ANXA4: variants seen among roughly 807,000 people sequenced by gnomAD.
ANXA4 encodes the protein annexin A4.
Under a neutral mutation model 49.8 loss-of-function variants are expected in ANXA4, and 39 were observed. The observed-to-expected ratio is 0.78, with a 90% CI of 0.61 to 1.02. The LOEUF is 1.02. Among genes scored for constraint, ANXA4 ranks in the 50% least tolerant of loss-of-function variants. ANXA4 has a pLI of 0.00. For missense variants in ANXA4, 360 were observed against 410.1 expected, an observed-to-expected ratio of 0.88 and a Z score of 1.05; for synonymous variants, 134 against 152.5, an observed-to-expected ratio of 0.88 and a Z score of 0.89.
At chr2:69,743,151 G>A (rs1007984341) in intron 1 of ANXA4, among the ~76,000 whole-genome samples, 1 of 152,078 alleles carries the variant, frequency 6.6e-6, no homozygotes, top group Non-Finnish European at 1.5e-5. Context: ...GACTACAGGT[G>A]CATGCCACCA....
rs952088418 is a variant in ANXA4 at position 69,804,468 on chromosome 2, G to A, written c.98-65G>A. Reference sequence around the variant, plus strand: ...TGTTTGGGTAACTCCAATGTCCACAGAGGAACCTGCTTTCTCATTCCTCTC... The same window carrying A: ...TGTTTGGGTAACTCCAATGTCCACAAAGGAACCTGCTTTCTCATTCCTCTC... On this transcript the variant is annotated intron_variant, in intron 3 of 12. Coordinates refer to ENST00000394295, the MANE Select transcript of ANXA4 (RefSeq NM_001153.5). 4 of 1,455,180 alleles carry A rather than the reference G, an allele frequency of 2.7e-6. No individual in the cohort carries two copies. In the African/African-American group the frequency reaches 5.6e-5, roughly 20 times the overall value. 90.1% of individuals were successfully genotyped at this position (1,455,180 alleles called of 1,614,324 possible). A position where few individuals can be genotyped will look rare whatever the true frequency, so the allele number is the denominator to read the frequency against.
At chr2:69,783,904 A>T (rs1013673392) in intron 2 of ANXA4, among the ~76,000 whole-genome samples, 2 of 152,156 alleles carry the variant, frequency 1.3e-5, no homozygotes, top group Admixed American at 6.5e-5. Flanking sequence ...TGGGCATTAT[A>T]TTCTTTTGCA....
chr2:69,648,117 T>C (rs1676080429), intron 1 of ANXA4, among the ~76,000 whole-genome samples: 1 of 152,198 alleles, frequency 6.6e-6, no homozygotes, highest in African/African-American at 2.4e-5. Context: ...TTAATTAAAA[T>C]CCTTAACTGA....
chr2:69,663,293 CTTTTTTTTTTTTTTTTTTT>C lies in ANXA4; in HGVS notation n.766+10027_766+10045del, dbSNP rs55970370. Among the ~76,000 whole-genome samples, 133 of 42,852 alleles carry C rather than the reference CTTTTTTTTTTTTTTTTTTT, an allele frequency of 3.1e-3. 1 individual carries two copies. Among genetic ancestry groups the C allele is most frequent in the African/African-American group, 0.011 (123 of 10,888 alleles). 28.1% of individuals were successfully genotyped at this position (42,852 alleles called of 152,430 possible). A position where few individuals can be genotyped will look rare whatever the true frequency, so the allele number is the denominator to read the frequency against. On this transcript the variant is annotated intron_variant and non_coding_transcript_variant, in intron 2 of 3. Transcript: ENST00000418066. ...ACAGGCGTGAGCCAATGCACCCGGC[CTTTTTTTTTTTTTTTTTTT>C]TTTTTTTTTTTTTTTGCTAAATATA...
chr2:69,685,693 A>C (rs371121816), intron 2 of ANXA4, among the ~76,000 whole-genome samples: 1 of 152,238 alleles, frequency 6.6e-6, no homozygotes, highest in Non-Finnish European at 1.5e-5. Context: ...TAAATCTATC[A>C]GTGAGAATAA....
At chr2:69,777,275 G>A (rs1378839691) in intron 1 of ANXA4, among the ~76,000 whole-genome samples, 1 of 152,076 alleles carries the variant, frequency 6.6e-6, no homozygotes, top group Admixed American at 6.6e-5. Context: ...TCCAATCATT[G>A]GCCATTGGTG....
At chr2:69,783,306 C>T (rs112992823) in intron 2 of ANXA4, among the ~76,000 whole-genome samples, 7 of 152,256 alleles carry the variant, frequency 4.6e-5, no homozygotes, top group South Asian at 2.1e-4. Flanking sequence ...CCACCTCCGT[C>T]GTAGGTTTAA....
intron 2 of ANXA4, among the ~76,000 whole-genome samples, chr2:69,700,025 G>A (rs1459808379): frequency 6.6e-6 from 1 of 152,190 alleles, no homozygotes; most frequent in Non-Finnish European, 1.5e-5. Flanking sequence ...AGAATGGAAG[G>A]AGAGAGGGAA....
chr2:69,799,900 T>C (rs998938696), intron 3 of ANXA4, among the ~76,000 whole-genome samples: 10 of 152,230 alleles, frequency 6.6e-5, no homozygotes, highest in Admixed American at 5.9e-4. Flanking sequence ...ACAACAACCG[T>C]AGCAATAATA....
At chr2:69,795,416 C>A (rs761319691) in intron 3 of ANXA4, among the ~76,000 whole-genome samples, 1 of 152,164 alleles carries the variant, frequency 6.6e-6, no homozygotes, top group East Asian at 1.9e-4. Context: ...AGGACTCAAA[C>A]GGATGAATTG....
At chr2:69,692,781 G>A (rs1479154937) in intron 2 of ANXA4, among the ~76,000 whole-genome samples, 1 of 152,146 alleles carries the variant, frequency 6.6e-6, no homozygotes, top group Non-Finnish European at 1.5e-5. Flanking sequence ...AAGGCTAAAT[G>A]TCTTTAGTGT....
intron 3 of ANXA4, among the ~76,000 whole-genome samples, chr2:69,721,242 C>T (rs563657171): frequency 6.6e-5 from 10 of 152,360 alleles, no homozygotes; most frequent in African/African-American, 1.9e-4. Context: ...AGCCTGTTTG[C>T]TCATTTAAGC....
At position 69,684,073 on chromosome 2, in the gene ANXA4, G is replaced by A. The variant is rs574463682; in HGVS notation, n.766+30791G>A. 2.0e-4 allele frequency among the ~76,000 whole-genome samples: 30 copies of A among 152,312 alleles called. No homozygotes were observed. The South Asian group carries it at 5.6e-3, about 28-fold the overall frequency. On this transcript the variant is annotated intron_variant and non_coding_transcript_variant, in intron 2 of 3. Transcript: ENST00000418066. ...AAATATACTGAATTATTTCATTTTT[G>A]TGGATCTCCTTGATTGTGATTTGCG...
At chr2:69,686,789 A>G (rs1677802961) in intron 2 of ANXA4, among the ~76,000 whole-genome samples, 2 of 152,302 alleles carry the variant, frequency 1.3e-5, no homozygotes, top group African/African-American at 2.4e-5. Flanking sequence ...GCATTTTACA[A>G]CTAGCTCAGA....
chr2:69,778,802 A>AG (rs1672075620), intron 1 of ANXA4, among the ~76,000 whole-genome samples: 2 of 145,026 alleles, frequency 1.4e-5, no homozygotes, highest in Non-Finnish European at 3.0e-5. Context: ...AAAAAAAAAA[A>AG]AGAGAAATCA....
intron 3 of ANXA4, among the ~76,000 whole-genome samples, chr2:69,722,172 G>A (rs1294870121): frequency 2.6e-5 from 4 of 152,082 alleles, no homozygotes; most frequent in African/African-American, 9.7e-5. Context: ...TGTGTATTTG[G>A]CCTGTGCTAA....
intron 12 of ANXA4, among the ~76,000 whole-genome samples, chr2:69,821,072 A>G (rs10196337): frequency 3.4e-4 from 52 of 152,358 alleles, no homozygotes; most frequent in African/African-American, 1.2e-3. Context: ...ATTTTAATGA[A>G]TACTTTTAAG....
At chr2:69,724,667 C>T (rs151132020) in intron 3 of ANXA4, among the ~76,000 whole-genome samples, 1,361 of 131,028 alleles carry the variant, frequency 0.01, 11 homozygotes, top group Non-Finnish European at 0.017. Flanking sequence ...GAATTACCTT[C>T]TGCCAAGAGA....
At chr2:69,785,328 A>G (rs1254674655) in intron 2 of ANXA4, among the ~76,000 whole-genome samples, 3 of 152,076 alleles carry the variant, frequency 2.0e-5, no homozygotes, top group African/African-American at 7.2e-5. Flanking sequence ...AGGGTATAAA[A>G]ATCCTCCATT....
Sources: gnomAD v4.1 joint callset for allele counts (sites outside exome capture counted in the v4.1 genomes callset) on GRCh38, gnomAD v4.1.1 for gene constraint, MANE v1.5 for transcripts, NCBI Gene and HGNC (gene_info 2026-07-23, HGNC 2026-07-21) for gene names.